The following PCDHGB5 variants were observed in gnomAD, a reference collection of about 807,000 sequenced individuals.
The protein encoded by PCDHGB5 is protocadherin gamma-B5.
A neutral mutation model predicts 62.9 loss-of-function variants in PCDHGB5; 48 were observed. The ratio of observed to expected loss-of-function variants is 0.76; its 90% confidence interval spans 0.61 to 0.97. The LOEUF (loss-of-function observed/expected upper bound fraction) is 0.97. Ranked by LOEUF, PCDHGB5 falls within the 50% of genes least tolerant of loss-of-function variation. The probability of loss-of-function intolerance (pLI) is 0.00; values close to 1 mark genes in which losing one functional copy is unlikely to be tolerated. For synonymous variants in PCDHGB5, 474 were observed against 511.2 expected, an observed-to-expected ratio of 0.93 and a Z score of 0.98; for missense variants, 1,118 against 1,198.6, an observed-to-expected ratio of 0.93 and a Z score of 0.99.
At chr5:141,456,687 A>G (rs1053490307) in intron 1 of PCDHGB5, among the ~76,000 whole-genome samples, 1 of 152,156 alleles carries the variant, frequency 6.6e-6, no homozygotes. Context: ...ATTACTGGCC[A>G]GGCGTGGTGG....
intron 1 of PCDHGB5, chr5:141,410,258 G>A: frequency 6.2e-7 from 1 of 1,614,022 alleles, no homozygotes; most frequent in East Asian, 2.2e-5. Context: ...TGACCCCCAG[G>A]CTGAACTGCA....
chr5:141,505,089 G>A (rs1562219081), intron 2 of PCDHGB5, among the ~76,000 whole-genome samples: 1 of 152,208 alleles, frequency 6.6e-6, no homozygotes, highest in Non-Finnish European at 1.5e-5. Context: ...TTGAACCCAG[G>A]AGGTGGATGT....
chr5:141,454,628 AC>A (rs1272822911), intron 1 of PCDHGB5, among the ~76,000 whole-genome samples: 2 of 151,334 alleles, frequency 1.3e-5, no homozygotes, highest in Non-Finnish European at 2.9e-5. Context: ...CTGGTCTCGA[AC>A]CCCCAACCTC....
chr5:141,468,039 A>G (rs1007212946), intron 1 of PCDHGB5, among the ~76,000 whole-genome samples: 21 of 152,262 alleles, frequency 1.4e-4, no homozygotes, highest in African/African-American at 5.1e-4. Context: ...CATTTAGAAA[A>G]CTAAGCCGGG....
At chr5:141,414,498 C>T (rs2095755127) in intron 1 of PCDHGB5, 1 of 1,613,848 alleles carries the variant, frequency 6.2e-7, no homozygotes, top group African/African-American at 1.3e-5. Flanking sequence ...CGGAAGCTCA[C>T]TTTATGCTAC....
chr5:141,439,390 C>T (rs528547728), intron 1 of PCDHGB5, among the ~76,000 whole-genome samples: 1 of 152,266 alleles, frequency 6.6e-6, no homozygotes, highest in South Asian at 2.1e-4. Flanking sequence ...GTCATCACTT[C>T]GACTTCATGT....
intron 1 of PCDHGB5, among the ~76,000 whole-genome samples, chr5:141,425,919 G>A (rs11167745): frequency 2.0e-5 from 3 of 152,174 alleles, no homozygotes; most frequent in East Asian, 1.9e-4. Flanking sequence ...CAGTCACTAC[G>A]AAAACTCATA....
intron 2 of PCDHGB5, among the ~76,000 whole-genome samples, chr5:141,502,783 G>A (rs2099816035): frequency 6.6e-6 from 1 of 151,652 alleles, no homozygotes; most frequent in African/African-American, 2.4e-5. Context: ...AAAATTACCT[G>A]GATGATTTCT....
chr5:141,399,059 A>T lies in PCDHGB5; in HGVS notation c.932A>T (p.Tyr311Phe), dbSNP rs769553635. ...KKLDFEETKEYSMVVEGRDGG... is the reference protein window; with the variant it reads ...KKLDFEETKEFSMVVEGRDGG... ...CTGGATTTTGAAGAGACCAAGGAAT[A>T]TTCAATGGTTGTAGAAGGGAGGGAT... is the stretch of plus-strand genomic sequence containing the variant. Residue 311 changes from tyrosine to phenylalanine, a missense_variant, in exon 1 of 4, where the codon TAT (tyrosine) becomes TTT (phenylalanine). This residue lies in a region of PCDHGB5 where 1,034 missense variants were observed against 1,029.1 expected (regional missense o/e 1.00). Coordinates refer to ENST00000617380, the MANE Select transcript of PCDHGB5 (RefSeq NM_018925.3). The T allele has an allele frequency of 5.0e-6, 8 of 1,613,882 alleles. No individual in the cohort carries two copies. The highest frequency in any genetic ancestry group is 6.8e-6 in the Non-Finnish European group (8 of 1,179,850).
At chr5:141,414,497 A>C (rs757597548) in intron 1 of PCDHGB5, 4 of 1,613,922 alleles carry the variant, frequency 2.5e-6, no homozygotes, top group Non-Finnish European at 3.4e-6. Context: ...ACGGAAGCTC[A>C]CTTTATGCTA....
At chr5:141,403,579 C>T in intron 1 of PCDHGB5, 2 of 1,613,926 alleles carry the variant, frequency 1.2e-6, no homozygotes, top group South Asian at 1.1e-5. Flanking sequence ...CTGCCCACCA[C>T]CTGGTCCTCA....
chr5:141,419,115 A>G (rs1159582360), intron 1 of PCDHGB5: 1 of 1,613,872 alleles, frequency 6.2e-7, no homozygotes, highest in Non-Finnish European at 8.5e-7. Flanking sequence ...CCAGAGTACA[A>G]CGTCACCATC....
At position 141,485,009 on chromosome 5, in the gene PCDHGB5, C is replaced by T. The variant is rs531346426; in HGVS notation, c.2398-9798C>T. The T allele has an allele frequency of 6.4e-5, 40 of 628,334 alleles. No homozygotes were observed. Among genetic ancestry groups the T allele is most frequent in the Admixed American group, 5.3e-4 (18 of 33,986 alleles). The allele number at this position is 628,334 out of a possible 1,614,324, so 38.9% of individuals were successfully genotyped here. On this transcript the variant is annotated intron_variant, in intron 1 of 3. Transcript: ENST00000617380. The surrounding 1 kb of genome is among the most constrained non-coding windows in gnomAD (Gnocchi z 5.7). Reference sequence around the variant, plus strand: ...GGTGGTGAAAGGCAGACAAATCTACCCCGCCACCAGCAAAAACGGCGCGTA... The same window carrying T: ...GGTGGTGAAAGGCAGACAAATCTACTCCGCCACCAGCAAAAACGGCGCGTA...
chr5:141,422,077 A>C (rs2096622436), intron 1 of PCDHGB5: 1 of 1,612,340 alleles, frequency 6.2e-7, no homozygotes, highest in Admixed American at 1.7e-5. Flanking sequence ...TTCATTTCGG[A>C]ACATGGAAAG....
At chr5:141,440,431 A>G (rs1338519888) in intron 1 of PCDHGB5, 1 of 152,222 alleles carries the variant, frequency 6.6e-6, no homozygotes, top group Non-Finnish European at 1.5e-5. Flanking sequence ...TGGGTGACAG[A>G]GCAAGGCGCC....
At chr5:141,481,070 A>G (rs2099531062) in intron 1 of PCDHGB5, among the ~76,000 whole-genome samples, 1 of 152,144 alleles carries the variant, frequency 6.6e-6, no homozygotes, top group South Asian at 2.1e-4. Context: ...AAACAAAAAG[A>G]AAGAAAGAAA....
intron 2 of PCDHGB5, among the ~76,000 whole-genome samples, chr5:141,500,881 T>G (rs940387787): frequency 1.0e-5 from 1 of 99,136 alleles, no homozygotes; most frequent in Non-Finnish European, 1.9e-5. Context: ...TTTACAATTT[T>G]TTTTTTTTGA....
intron 1 of PCDHGB5, chr5:141,441,578 C>T (rs889509502): frequency 2.9e-5 from 6 of 207,738 alleles, no homozygotes; most frequent in Non-Finnish European, 5.9e-5. Flanking sequence ...CCAACCTAGA[C>T]TTGGGACCCA....
At chr5:141,409,973 G>A in intron 1 of PCDHGB5, 1 of 1,613,380 alleles carries the variant, frequency 6.2e-7, no homozygotes, top group Non-Finnish European at 8.5e-7. Context: ...AGTGACTAAG[G>A]TGGTAGCGGT....
Sources: allele counts gnomAD v4.1 joint callset (sites outside exome capture counted in the v4.1 genomes callset), GRCh38; gene constraint gnomAD v4.1.1; regional missense constraint gnomAD v4.1.1; non-coding constraint Gnocchi (gnomAD v3.1); transcripts MANE v1.5; gene names NCBI Gene and HGNC (gene_info 2026-07-23, HGNC 2026-07-21).